Variants in MFN1 observed in about 807,000 individuals in gnomAD.
The protein encoded by MFN1 is mitofusin 1, also known as mitofusin-1.
MFN1 carries 65 observed loss-of-function variants against 92.4 expected under a neutral mutation model. The ratio of observed to expected loss-of-function variants is 0.70; its 90% CI spans 0.58 to 0.86. MFN1 has a LOEUF of 0.86. MFN1 is among the 40% of genes least tolerant of loss of function. The pLI is 0.00. For missense variants in MFN1, 781 were observed against 868.0 expected, an observed-to-expected ratio of 0.90 and a Z score of 1.26; for synonymous variants, 297 against 300.9, an observed-to-expected ratio of 0.99 and a Z score of 0.13.
At chr3:179,382,120 G>A (rs113638709) in intron 14 of MFN1, among the ~76,000 whole-genome samples, 22 of 151,660 alleles carry the variant, frequency 1.5e-4, no homozygotes, top group African/African-American at 4.1e-4. Context: ...TGTACACAAC[G>A]TGCAGGTTTG....
At chr3:179,387,797 C>T (rs555826452) in intron 16 of MFN1, among the ~76,000 whole-genome samples, 11 of 148,758 alleles carry the variant, frequency 7.4e-5, no homozygotes, top group East Asian at 2.1e-4. Context: ...AGCACGATCT[C>T]GGCTCACCAC....
intron 3 of MFN1, among the ~76,000 whole-genome samples, chr3:179,352,445 A>G (rs1292990364): frequency 6.6e-6 from 1 of 152,258 alleles, no homozygotes; most frequent in African/African-American, 2.4e-5. Flanking sequence ...AACTATTTCC[A>G]AGGACTTTCT....
intron 17 of MFN1, among the ~76,000 whole-genome samples, chr3:179,391,744 T>C (rs1713909077): frequency 6.6e-6 from 1 of 152,226 alleles, no homozygotes; most frequent in South Asian, 2.1e-4. Flanking sequence ...TAACATCTGC[T>C]ACTTTCCTTG....
chr3:179,383,376 TGTA>T (rs1713547574), intron 14 of MFN1, among the ~76,000 whole-genome samples: 1 of 152,168 alleles, frequency 6.6e-6, no homozygotes, highest in African/African-American at 2.4e-5. Flanking sequence ...ATCAGATAGT[TGTA>T]GATGTGTGGT....
chr3:179,385,826 C>A, intron 15 of MFN1, 105 bp downstream of exon 15: 1 of 1,078,546 alleles, frequency 9.3e-7, no homozygotes, highest in Non-Finnish European at 1.3e-6. Context: ...TTTATAGGAT[C>A]TGTAAAATAG....
chr3:179,359,547 A>G (rs1560191347), intron 4 of MFN1, among the ~76,000 whole-genome samples: 1 of 143,322 alleles, frequency 7.0e-6, no homozygotes, highest in Admixed American at 7.1e-5. Flanking sequence ...CAGCCTCCTG[A>G]GTAGCTGGGA....
rs563854174 is a variant in MFN1 at position 179,371,818 on chromosome 3, A to G, written c.976-3402A>G. 2.8e-4 allele frequency among the ~76,000 whole-genome samples: 43 copies of G among 152,090 alleles called. No homozygotes were observed. In the South Asian group the frequency reaches 8.7e-3, roughly 31 times the overall value. ...TTTGTTAGATAATAGTATTGTCTCA[A>G]TGGTAAATATTCTGAATACAATTGT... On this transcript the variant is annotated intron_variant, in intron 9 of 17. Coordinates refer to ENST00000471841, the MANE Select transcript of MFN1 (RefSeq NM_033540.3).
chr3:179,355,477 A>G (rs903623630), intron 3 of MFN1, among the ~76,000 whole-genome samples: 3 of 152,182 alleles, frequency 2.0e-5, no homozygotes, highest in African/African-American at 7.2e-5. Flanking sequence ...ATATTCAAGT[A>G]TAGTTACCAA....
intron 8 of MFN1, 121 bp downstream of exon 8, chr3:179,367,713 A>G: frequency 3.7e-6 from 3 of 805,514 alleles, no homozygotes; most frequent in Non-Finnish European, 5.4e-6. Flanking sequence ...TCATGAGGTC[A>G]GGAGTTTGAG....
intron 9 of MFN1, among the ~76,000 whole-genome samples, chr3:179,372,109 T>G (rs1476899456): frequency 1.4e-5 from 2 of 147,440 alleles, no homozygotes; most frequent in Non-Finnish European, 3.0e-5. Context: ...TAATGTTATA[T>G]ATAAATATTA....
intron 9 of MFN1, among the ~76,000 whole-genome samples, chr3:179,372,031 GTATTA>G (rs1252636999): frequency 2.7e-5 from 4 of 145,964 alleles, no homozygotes; most frequent in African/African-American, 1.0e-4. Context: ...TGCAAGACAT[GTATTA>G]TATATATTAT....
At chr3:179,391,880 ATTGT>A in intron 17 of MFN1, 97 bp from the exon 18 acceptor site, 1 of 710,306 alleles carries the variant, frequency 1.4e-6, no homozygotes, top group Admixed American at 2.5e-5. Flanking sequence ...TATGCTCTTC[ATTGT>A]TTATTATTAA....
rs1361600014 is a variant in MFN1, at chr3:179,361,538, C to CT, written c.412-805dup. 7.9e-3 allele frequency among the ~76,000 whole-genome samples: 1,134 copies of CT among 143,282 alleles called. 19 individuals carry two copies. Among genetic ancestry groups the CT allele is most frequent in the Admixed American group, 0.04 (567 of 14,308 alleles). The allele number at this position is 143,282 out of a possible 152,430, so 94.0% of individuals were successfully genotyped here. A position where few individuals can be genotyped will look rare whatever the true frequency, so the allele number is the denominator to read the frequency against. On this transcript the variant is annotated intron_variant, in intron 4 of 17. Transcript: ENST00000471841. ...TGTGTACCCAAATGTTTATCTCTCA[C>CT]TTTTTTTTTTTTTTTGGAGACAGAG...
Sources: gnomAD v4.1 joint callset for allele counts (sites outside exome capture counted in the v4.1 genomes callset) on GRCh38, gnomAD v4.1.1 for gene constraint, MANE v1.5 for transcripts, NCBI Gene and HGNC (gene_info 2026-07-23, HGNC 2026-07-21) for gene names.